The following MICU2 variants were observed in gnomAD, a reference collection of about 807,000 sequenced individuals.
MICU2 encodes mitochondrial calcium uptake 2.
MICU2 carries 64 observed loss-of-function variants against 60.4 expected under a neutral mutation model. That is an observed-to-expected ratio of 1.06 (90% confidence interval 0.87 to 1.31). The LOEUF is 1.31. Ranked by LOEUF, MICU2 falls within the 50% of genes most tolerant of loss-of-function variation. The pLI is 0.00. For missense variants in MICU2, 569 were observed against 531.0 expected (o/e 1.07, Z -0.70); for synonymous variants, 201 against 175.0 (o/e 1.15, Z -1.17).
At chr13:21,508,160 C>G (rs1320054501) in intron 8 of MICU2, among the ~76,000 whole-genome samples, 1 of 149,418 alleles carries the variant, frequency 6.7e-6, no homozygotes, top group Non-Finnish European at 1.5e-5. Flanking sequence ...GAGTCTCGCT[C>G]TGTCACCCAG....
intron 4 of MICU2, among the ~76,000 whole-genome samples, chr13:21,526,172 T>A (rs950363607): frequency 6.7e-6 from 1 of 149,860 alleles, no homozygotes; most frequent in Non-Finnish European, 1.5e-5. Context: ...CTGGCTGGTC[T>A]TGAATTCCTG....
intron 4 of MICU2, chr13:21,531,300 G>A (rs568686311): frequency 1.9e-6 from 3 of 1,573,890 alleles, no homozygotes; most frequent in Non-Finnish European, 2.6e-6. Context: ...CACAGAAAAT[G>A]ACTCACCAAC....
intron 2 of MICU2, chr13:21,551,350 G>A (rs941628304): frequency 2.6e-5 from 4 of 152,278 alleles, no homozygotes; most frequent in Non-Finnish European, 5.9e-5. Context: ...CTTGCATAGG[G>A]GCCATGCTAA....
chr13:21,579,555 T>A (rs1888302840), intron 1 of MICU2, among the ~76,000 whole-genome samples: 1 of 152,150 alleles, frequency 6.6e-6, no homozygotes, highest in South Asian at 2.1e-4. Context: ...TTGGCCAGGC[T>A]GGTCTTGAAC....
intron 2 of MICU2, among the ~76,000 whole-genome samples, chr13:21,561,904 T>C (rs1887854401): frequency 7.9e-6 from 1 of 126,720 alleles, no homozygotes; most frequent in Non-Finnish European, 1.6e-5. Flanking sequence ...ATGTTCCCCT[T>C]CCTGTGTCCA....
At chr13:21,512,452 T>A (rs1055561425) in intron 7 of MICU2, among the ~76,000 whole-genome samples, 1 of 146,358 alleles carries the variant, frequency 6.8e-6, no homozygotes, top group African/African-American at 2.6e-5. Context: ...TTAATTTTTT[T>A]TTTTTTTTTT....
intron 6 of MICU2, among the ~76,000 whole-genome samples, chr13:21,516,750 T>A (rs553263828): frequency 2.0e-5 from 3 of 152,328 alleles, no homozygotes; most frequent in Non-Finnish European, 4.4e-5. Context: ...TGCATTTCCC[T>A]GACAACTCAC....
At chr13:21,516,798 C>T (rs1886581582) in intron 6 of MICU2, among the ~76,000 whole-genome samples, 1 of 152,164 alleles carries the variant, frequency 6.6e-6, no homozygotes, top group South Asian at 2.1e-4. Context: ...ATAACTCTAG[C>T]AGGTGTATTT....
Position 21,566,821 on chromosome 13 carries a change from AGAAGAG to A in MICU2, c.328_333del (p.Leu110_Phe111del). ...CGTTCCATTTGCTCAAACATCACTG[AGAAGAG>A]GAAGTCTCGTGGTGTCATATAATAT... On this transcript the variant is annotated inframe_deletion, in exon 2 of 12. Coordinates refer to ENST00000382374, the MANE Select transcript of MICU2 (RefSeq NM_152726.3). 1 of 1,599,528 alleles carries A rather than the reference AGAAGAG, an allele frequency of 6.3e-7. No individual in the cohort carries two copies. The highest frequency in any genetic ancestry group is 1.1e-5 in the South Asian group (1 of 87,944).
chr13:21,525,480 C>T (rs1338721872), intron 4 of MICU2, among the ~76,000 whole-genome samples: 11 of 151,896 alleles, frequency 7.2e-5, no homozygotes, highest in Non-Finnish European at 5.9e-5. Flanking sequence ...CGTGAGCCAC[C>T]GCGCCTGGCC....
chr13:21,550,626 A>G (rs529778655), intron 2 of MICU2, among the ~76,000 whole-genome samples: 5 of 152,230 alleles, frequency 3.3e-5, no homozygotes, highest in Non-Finnish European at 7.3e-5. Context: ...TTTAAAAGCT[A>G]GATATAGAAA....
At chr13:21,530,788 C>T in intron 4 of MICU2, 2 of 670,034 alleles carry the variant, frequency 3.0e-6, no homozygotes, top group Non-Finnish European at 5.3e-6. Context: ...AGCAGCAGCA[C>T]CAGGAAGAGA....
chr13:21,554,653 G>A (rs976525813), intron 2 of MICU2, among the ~76,000 whole-genome samples: 9 of 152,118 alleles, frequency 5.9e-5, no homozygotes, highest in African/African-American at 1.9e-4. Flanking sequence ...ACATTCAAAA[G>A]CTAGCGGAAG....
chr13:21,544,862 G>T (rs1887378192), intron 2 of MICU2, among the ~76,000 whole-genome samples: 1 of 152,046 alleles, frequency 6.6e-6, no homozygotes, highest in Non-Finnish European at 1.5e-5. Flanking sequence ...ATGTTGTCCA[G>T]GGTGGTTTCA....
At chr13:21,594,037 T>A (rs1293080013) in intron 1 of MICU2, among the ~76,000 whole-genome samples, 1 of 152,170 alleles carries the variant, frequency 6.6e-6, no homozygotes, top group Non-Finnish European at 1.5e-5. Context: ...AAATGGGATC[T>A]AATTAAAGTA....
At chr13:21,577,621 T>C (rs373544593) in intron 1 of MICU2, among the ~76,000 whole-genome samples, 21 of 151,994 alleles carry the variant, frequency 1.4e-4, no homozygotes, top group African/African-American at 4.8e-4. Flanking sequence ...GTGGCCAACA[T>C]GGTGAAACCC....
At chr13:21,509,080 T>C (rs1444636580) in intron 8 of MICU2, among the ~76,000 whole-genome samples, 1 of 152,248 alleles carries the variant, frequency 6.6e-6, no homozygotes, top group East Asian at 1.9e-4. Context: ...GCAGGTCTCC[T>C]GCCTCCCAAG....
chr13:21,540,387 C>T (rs1370568619), intron 2 of MICU2, among the ~76,000 whole-genome samples: 1 of 152,014 alleles, frequency 6.6e-6, no homozygotes, highest in Non-Finnish European at 1.5e-5. Context: ...TATTTTGTTT[C>T]TTACATAAGC....
intron 1 of MICU2, among the ~76,000 whole-genome samples, chr13:21,571,531 AC>A (rs1206416301): frequency 6.6e-6 from 1 of 152,166 alleles, no homozygotes; most frequent in Non-Finnish European, 1.5e-5. Context: ...CCCCGTCTCT[AC>A]AAAAAATACA....
Sources: allele counts gnomAD v4.1 joint callset (sites outside exome capture counted in the v4.1 genomes callset), GRCh38; gene constraint gnomAD v4.1.1; transcripts MANE v1.5; gene names NCBI Gene and HGNC (gene_info 2026-07-23, HGNC 2026-07-21).